Variants in CHRNA5 observed in about 807,000 individuals in gnomAD.
CHRNA5 encodes neuronal acetylcholine receptor subunit alpha-5.
Under a neutral mutation model 41.2 loss-of-function variants are expected in CHRNA5, and 28 were observed. The observed-to-expected ratio is 0.68, with a 90% CI of 0.50 to 0.93. The LOEUF is 0.93. CHRNA5 is among the 40% of genes least tolerant of loss of function. CHRNA5 has a pLI of 0.00. For missense variants in CHRNA5, 481 were observed against 581.9 expected, an observed-to-expected ratio of 0.83 and a Z score of 1.78; for synonymous variants, 188 against 205.8, an observed-to-expected ratio of 0.91 and a Z score of 0.74.
At chr15:78,592,821 CTA>C (rs2053032458) in intron 5 of CHRNA5, among the ~76,000 whole-genome samples, 1 of 152,020 alleles carries the variant, frequency 6.6e-6, no homozygotes, top group Non-Finnish European at 1.5e-5. Flanking sequence ...ATATCCAAGT[CTA>C]TTTTAATTTT....
chr15:78,571,222 C>T (rs904695310), intron 1 of CHRNA5, among the ~76,000 whole-genome samples: 5 of 152,066 alleles, frequency 3.3e-5, no homozygotes, highest in Admixed American at 1.3e-4. Context: ...CAAGGGAAGC[C>T]GATGAAAGTA....
Position 78,585,877 on chromosome 15 carries a change from C to T in CHRNA5, c.259-768C>T, listed in dbSNP as rs575834980. On this transcript the variant is annotated intron_variant, in intron 2 of 5. Coordinates refer to ENST00000299565, the Ensembl canonical transcript of CHRNA5. ...TTGGCTCACTGCAACCTCTGCCTCC[C>T]GGGTTCAAGCAATTCTTGTGCCTCC... Among the ~76,000 whole-genome samples the T allele has an allele frequency of 9.4e-4, 138 of 146,260 alleles. 1 individual carries two copies. The highest frequency in any genetic ancestry group is 2.2e-4 in the Non-Finnish European group (15 of 67,402).
chr15:78,586,711 G>C (rs199753114), intron 3 of CHRNA5, 22 bp downstream of exon 3: 1 of 1,580,166 alleles, frequency 6.3e-7, no homozygotes, highest in East Asian at 2.2e-5. Flanking sequence ...AAATTCAAAC[G>C]GGCACCCAAT....
At chr15:78,579,269 T>C (rs2052887884) in intron 1 of CHRNA5, among the ~76,000 whole-genome samples, 1 of 145,552 alleles carries the variant, frequency 6.9e-6, no homozygotes, top group African/African-American at 2.5e-5. Context: ...TTGTTTGTTT[T>C]TTGAGACAGA....
At chr15:78,580,274 C>G (rs148518415) in intron 1 of CHRNA5, among the ~76,000 whole-genome samples, 55 of 81,672 alleles carry the variant, frequency 6.7e-4, no homozygotes, top group Admixed American at 2.1e-3. Context: ...GGCAGGACTC[C>G]GTCTCAAAAA....
intron 5 of CHRNA5, among the ~76,000 whole-genome samples, chr15:78,592,613 C>G (rs900703941): frequency 5.9e-5 from 9 of 152,128 alleles, no homozygotes; most frequent in African/African-American, 7.2e-5. Context: ...GAAGTGGTCC[C>G]TAGGAAATCC....
At chr15:78,577,586 G>A (rs2052870256) in intron 1 of CHRNA5, among the ~76,000 whole-genome samples, 1 of 152,198 alleles carries the variant, frequency 6.6e-6, no homozygotes, top group Admixed American at 6.5e-5. Flanking sequence ...TTGAGATAGC[G>A]ACTCAAGCTA....
intron 2 of CHRNA5, among the ~76,000 whole-genome samples, chr15:78,585,657 A>G (rs886369778): frequency 2.6e-5 from 4 of 152,220 alleles, no homozygotes; most frequent in Non-Finnish European, 4.4e-5. Flanking sequence ...TAGCAAAGAC[A>G]TGATAGCAGA....
chr15:78,567,034 C>A (rs2052756272), intron 1 of CHRNA5, among the ~76,000 whole-genome samples: 1 of 152,004 alleles, frequency 6.6e-6, no homozygotes, highest in South Asian at 2.1e-4. Flanking sequence ...GGGCAGATCA[C>A]GAGGTCAGGA....
intron 2 of CHRNA5, among the ~76,000 whole-genome samples, chr15:78,585,720 C>A (rs569902889): frequency 6.6e-6 from 1 of 151,704 alleles, no homozygotes; most frequent in Non-Finnish European, 1.5e-5. Context: ...AAAGTAGGCA[C>A]GAAAAGCTTT....
chr15:78,585,246 C>T (rs1358787518), intron 2 of CHRNA5, among the ~76,000 whole-genome samples: 1 of 152,104 alleles, frequency 6.6e-6, no homozygotes, highest in Admixed American at 6.6e-5. Flanking sequence ...GAAAATTGCT[C>T]TTTGGAACTG....
chr15:78,574,195 A>G (rs1481616502), intron 1 of CHRNA5, among the ~76,000 whole-genome samples: 5 of 151,068 alleles, frequency 3.3e-5, no homozygotes, highest in African/African-American at 9.7e-5. Context: ...AGCCTGACCA[A>G]CATGGAGAAA....
At chr15:78,575,120 G>A (rs2052845352) in intron 1 of CHRNA5, among the ~76,000 whole-genome samples, 3 of 152,040 alleles carry the variant, frequency 2.0e-5, no homozygotes, top group Admixed American at 2.0e-4. Flanking sequence ...TAAGGAGCAA[G>A]GTTACATTTC....
intron 1 of CHRNA5, among the ~76,000 whole-genome samples, chr15:78,570,437 T>TTTTTTTTTC: frequency 7.2e-6 from 1 of 139,360 alleles, no homozygotes; most frequent in Non-Finnish European, 1.5e-5. Flanking sequence ...TTTTTTTTTT[T>TTTTTTTTTC]TTTTTTTTTT....
rs79109919 is a variant in CHRNA5 at position 78,590,479 on chromosome 15, T to A, written c.1088T>A (p.Leu363Gln). The change falls in exon 5 of 6, where the codon CTG becomes CAG. Residue 363 changes from leucine (L) to glutamine (Q), a missense_variant. Coordinates refer to ENST00000299565, the Ensembl canonical transcript of CHRNA5. The stretch of plus-strand genomic sequence containing the variant: ...ATATTTCTTCACACGCTTCCCAAAC[T>A]GCTTTGCATGAGAAGTCATGTAGAC... The A allele has an allele frequency of 3.0e-3, 4,901 of 1,614,196 alleles. 116 individuals are homozygous for A. In the African/African-American group the frequency reaches 0.055, roughly 18 times the overall value.
chr15:78,580,978 C>T lies in CHRNA5; in HGVS notation c.258+16C>T. The T allele has an allele frequency of 1.9e-6, 3 of 1,606,072 alleles. No individual in the cohort carries two copies. The highest frequency in any genetic ancestry group is 1.1e-5 in the South Asian group (1 of 90,594). Reference sequence around the variant, plus strand: ...GGTGGATGTGGTAGGTGTGCATATCCTTCTATAGTCAATTTCCCACAGATT... The same window carrying T: ...GGTGGATGTGGTAGGTGTGCATATCTTTCTATAGTCAATTTCCCACAGATT... On this transcript the variant is annotated intron_variant, in intron 2 of 5. Coordinates refer to ENST00000299565, the Ensembl canonical transcript of CHRNA5.
chr15:78,569,649 G>A (rs976463549), intron 1 of CHRNA5, among the ~76,000 whole-genome samples: 1 of 151,734 alleles, frequency 6.6e-6, no homozygotes, highest in Non-Finnish European at 1.5e-5. Context: ...TAGCCAGGAT[G>A]GTCTCGATCT....
intron 4 of CHRNA5, 56 bp from the exon 5 acceptor site, chr15:78,589,749 C>A (rs1289035220): frequency 1.6e-5 from 21 of 1,334,326 alleles, no homozygotes; most frequent in Middle Eastern, 1.9e-4. Flanking sequence ...TATATTAATA[C>A]AATTCATGTG....
chr15:78,578,494 G>T (rs927594290), intron 1 of CHRNA5, among the ~76,000 whole-genome samples: 7 of 152,284 alleles, frequency 4.6e-5, no homozygotes, highest in Middle Eastern at 3.4e-3. Flanking sequence ...GTGACAGAGT[G>T]AGACTCCGTC....
Sources: gnomAD v4.1 joint callset for allele counts (sites outside exome capture counted in the v4.1 genomes callset) on GRCh38, gnomAD v4.1.1 for gene constraint, MANE v1.5 for transcripts, NCBI Gene and HGNC (gene_info 2026-07-23, HGNC 2026-07-21) for gene names.